AFF3: variants seen among roughly 807,000 people sequenced by gnomAD.
AFF3 encodes the protein AF4/FMR2 family member 3.
In AFF3, 32 loss-of-function variants were observed where a neutral mutation model predicts 129.7. The ratio of observed to expected loss-of-function variants is 0.25; its 90% confidence interval spans 0.19 to 0.33. The LOEUF (loss-of-function observed/expected upper bound fraction) is 0.33, where lower values mean the gene tolerates loss of function less well. Among genes scored for constraint, AFF3 ranks in the 10% least tolerant of loss-of-function variants. The probability of loss-of-function intolerance (pLI) is 1.00; values close to 1 mark genes in which losing one functional copy is unlikely to be tolerated. For synonymous variants in AFF3, 644 were observed against 635.4 expected (o/e 1.01, Z -0.20); for missense variants, 1,373 against 1,592.0 (o/e 0.86, Z 2.34).
chr2:99,746,707 C>T (rs2105161274), intron 9 of AFF3, among the ~76,000 whole-genome samples: 2 of 152,318 alleles, frequency 1.3e-5, no homozygotes, highest in Middle Eastern at 6.8e-3. Context: ...ACTAAGAAGA[C>T]ATCCACAATT....
intron 4 of AFF3, among the ~76,000 whole-genome samples, chr2:100,093,061 A>G (rs1406117170): frequency 6.6e-6 from 1 of 152,254 alleles, no homozygotes; most frequent in Admixed American, 6.5e-5. Context: ...TCTATACTGT[A>G]GACGGATTGC....
intron 7 of AFF3, among the ~76,000 whole-genome samples, chr2:99,892,097 C>T (rs1693609124): frequency 6.6e-6 from 1 of 152,178 alleles, no homozygotes; most frequent in South Asian, 2.1e-4. Flanking sequence ...GCTGGGATTA[C>T]AGGCATGAGC....
rs531853549 is a variant in AFF3 at position 99,661,005 on chromosome 2, T to C, written c.1144-11339A>G. Among the ~76,000 whole-genome samples the C allele has an allele frequency of 3.3e-5, 5 of 152,330 alleles. No individual in the cohort carries two copies. The East Asian group carries it at 9.6e-4, about 29-fold the overall frequency. ...AAAAACAAAAACTCAACTTTACAAC[T>C]GTATATCTGGACCAAACACCTGAGG... On this transcript the variant is annotated intron_variant, in intron 12 of 24. Coordinates refer to ENST00000672756, the MANE Select transcript of AFF3 (RefSeq NM_001386135.1).
At chr2:99,560,865 C>G (rs1234154699) in intron 20 of AFF3, among the ~76,000 whole-genome samples, 2 of 152,176 alleles carry the variant, frequency 1.3e-5, no homozygotes, top group Non-Finnish European at 2.9e-5. Flanking sequence ...AGATTTACCC[C>G]TCTTTCTTTG....
At position 99,881,264 on chromosome 2, in the gene AFF3, G is replaced by A. The variant is rs186314636; in HGVS notation, c.874-43740C>T. Among the ~76,000 whole-genome samples the A allele has an allele frequency of 2.6e-5, 4 of 152,152 alleles. No homozygotes were observed. In the East Asian group the frequency reaches 5.8e-4, roughly 22 times the overall value. ...CCACTTCTGACAAATGTAAGTGCTGGCATAAAATGTTATTAGGCTACAGAG... is the reference window on the plus strand; with the variant it reads ...CCACTTCTGACAAATGTAAGTGCTGACATAAAATGTTATTAGGCTACAGAG... On this transcript the variant is annotated intron_variant, in intron 7 of 24. Coordinates refer to ENST00000672756, the MANE Select transcript of AFF3 (RefSeq NM_001386135.1).
At chr2:99,963,393 G>A (rs1677419532) in intron 7 of AFF3, among the ~76,000 whole-genome samples, 1 of 152,050 alleles carries the variant, frequency 6.6e-6, no homozygotes, top group Non-Finnish European at 1.5e-5. Context: ...AAAAATTATT[G>A]CAGCATCTGA....
At chr2:99,979,333 A>T (rs1005373807) in intron 7 of AFF3, among the ~76,000 whole-genome samples, 2 of 152,086 alleles carry the variant, frequency 1.3e-5, no homozygotes, top group African/African-American at 4.8e-5. Context: ...GAAAAGGGGT[A>T]AGAAGGCTGA....
At chr2:99,636,532 G>A (rs776211407) in intron 13 of AFF3, among the ~76,000 whole-genome samples, 8 of 152,256 alleles carry the variant, frequency 5.3e-5, no homozygotes, top group Non-Finnish European at 8.8e-5. Flanking sequence ...ATGGGTAGAA[G>A]GCAGTGTGAC....
intron 10 of AFF3, among the ~76,000 whole-genome samples, chr2:99,731,333 G>T (rs980355573): frequency 1.3e-5 from 2 of 152,148 alleles, no homozygotes; most frequent in Non-Finnish European, 2.9e-5. Context: ...AAGAGGCAAG[G>T]TATTTAATAG....
At chr2:99,587,070 C>G (rs563817550) in intron 16 of AFF3, 84 bp downstream of exon 16, 1 of 1,573,608 alleles carries the variant, frequency 6.4e-7, no homozygotes, top group Admixed American at 1.7e-5. Context: ...CCTCAAAAAG[C>G]CTGACCCTCC....
At chr2:99,592,724 A>G (rs1005423875) in intron 15 of AFF3, among the ~76,000 whole-genome samples, 6 of 152,172 alleles carry the variant, frequency 3.9e-5, no homozygotes, top group African/African-American at 1.4e-4. Flanking sequence ...ACTTGAGGTC[A>G]GGAGTTCGAG....
At chr2:99,558,806 G>A in intron 22 of AFF3, 69 bp downstream of exon 22, 2 of 1,465,408 alleles carry the variant, frequency 1.4e-6, no homozygotes, top group Non-Finnish European at 1.9e-6. Flanking sequence ...AGTCTACCAG[G>A]TGCTTCACAA....
chr2:99,957,574 C>T (rs113671474), intron 7 of AFF3, among the ~76,000 whole-genome samples: 152 of 152,250 alleles, frequency 1.0e-3, no homozygotes, highest in Admixed American at 2.2e-3. Flanking sequence ...AGAGCACTCA[C>T]GAGGCAGCAC....
At position 99,969,478 on chromosome 2, in the gene AFF3, C is replaced by CATTTATTT. The variant is rs6146857; in HGVS notation, c.873+37146_873+37153dup. On this transcript the variant is annotated intron_variant, in intron 7 of 24. Coordinates refer to ENST00000672756, the MANE Select transcript of AFF3 (RefSeq NM_001386135.1). Reference sequence around the variant, plus strand: ...TTAGACACAAATTTTATTTTATTTTCATTTATTTATTTATTTATTTATTTT... The same window carrying CATTTATTT: ...TTAGACACAAATTTTATTTTATTTTCATTTATTTATTTATTTATTTATTTATTTATTTT... 5.4e-3 allele frequency among the ~76,000 whole-genome samples: 819 copies of CATTTATTT among 150,510 alleles called. 11 individuals are homozygous for CATTTATTT. The highest frequency in any genetic ancestry group is 0.019 in the African/African-American group (772 of 40,600).
At position 99,827,664 on chromosome 2, in the gene AFF3, T is replaced by C. The variant is rs528687226; in HGVS notation, c.921+9813A>G. ...GAAGATATATATATATATATGTATA[T>C]ATATACACACACATACATATATACA... is the stretch of plus-strand genomic sequence containing the variant. On this transcript the variant is annotated intron_variant, in intron 8 of 24. Coordinates refer to ENST00000672756, the MANE Select transcript of AFF3 (RefSeq NM_001386135.1). 5.3e-5 allele frequency among the ~76,000 whole-genome samples: 8 copies of C among 151,902 alleles called. No individual in the cohort carries two copies. In the East Asian group the frequency reaches 1.4e-3, roughly 26 times the overall value.
chr2:99,601,773 A>T, intron 13 of AFF3, 152 bp from the exon 14 acceptor site: 1 of 961,200 alleles, frequency 1.0e-6, no homozygotes, highest in Non-Finnish European at 1.5e-6. Flanking sequence ...AAGAGCAGGC[A>T]TCGAGGTCAA....
intron 4 of AFF3, among the ~76,000 whole-genome samples, chr2:100,028,087 C>A (rs1410573906): frequency 6.6e-6 from 1 of 152,028 alleles, no homozygotes; most frequent in African/African-American, 2.4e-5. Context: ...CAAGGTGAAA[C>A]CATTTTTACC....
At chr2:100,038,127 C>G (rs1685123249) in intron 4 of AFF3, among the ~76,000 whole-genome samples, 1 of 151,974 alleles carries the variant, frequency 6.6e-6, no homozygotes, top group South Asian at 2.1e-4. Flanking sequence ...GGTGAAGACA[C>G]TGCAGCCATC....
intron 13 of AFF3, among the ~76,000 whole-genome samples, chr2:99,646,507 C>T (rs1684707262): frequency 6.7e-6 from 1 of 149,926 alleles, no homozygotes; most frequent in South Asian, 2.1e-4. Context: ...AGGCTGAAAG[C>T]AAAAGGTTTA....
Sources: allele counts gnomAD v4.1 joint callset (sites outside exome capture counted in the v4.1 genomes callset), GRCh38; gene constraint gnomAD v4.1.1; transcripts MANE v1.5; gene names NCBI Gene and HGNC (gene_info 2026-07-23, HGNC 2026-07-21).